DNAH14: variants seen among roughly 807,000 people sequenced by gnomAD.
DNAH14 encodes axonemal beta dynein heavy chain 14.
In DNAH14, 478 loss-of-function variants were observed where a neutral mutation model predicts 520.9. That is an observed-to-expected ratio of 0.92 (90% CI 0.85 to 0.99). The LOEUF is 0.99. Ranked by LOEUF, DNAH14 falls within the 50% of genes least tolerant of loss-of-function variation. The pLI, the probability that DNAH14 is intolerant of heterozygous loss-of-function variation, is 0.00. For synonymous variants in DNAH14, 1,581 were observed against 1,757.2 expected (o/e 0.90, Z 2.51); for missense variants, 4,831 against 5,234.5 (o/e 0.92, Z 2.38).
chr1:225,121,513 C>A (rs2077282991), intron 26 of DNAH14, among the ~76,000 whole-genome samples: 1 of 152,134 alleles, frequency 6.6e-6, no homozygotes. Flanking sequence ...ATTCATCTTT[C>A]TTGGCCTGGC....
intron 66 of DNAH14, among the ~76,000 whole-genome samples, chr1:225,336,346 T>C (rs924448004): frequency 2.0e-5 from 3 of 151,984 alleles, no homozygotes; most frequent in Non-Finnish European, 4.4e-5. Flanking sequence ...ACAAAATAGA[T>C]GTTAAGGCAT....
chr1:225,193,077 T>C (rs536359603), intron 38 of DNAH14, among the ~76,000 whole-genome samples, 166 bp downstream of exon 38: 2 of 152,220 alleles, frequency 1.3e-5, no homozygotes, highest in South Asian at 4.1e-4. Context: ...TATTAAAAAA[T>C]GGAAAATCTC....
chr1:224,967,396 AT>A (rs2061246206), intron 5 of DNAH14, 34 bp from the exon 6 acceptor site: 1 of 1,460,414 alleles, frequency 6.8e-7, no homozygotes, highest in Non-Finnish European at 9.1e-7. Flanking sequence ...AGTCAAATTA[AT>A]TAAATTTGTT....
At chr1:225,130,780 C>G (rs1047054041) in intron 27 of DNAH14, among the ~76,000 whole-genome samples, 2 of 150,192 alleles carry the variant, frequency 1.3e-5, no homozygotes, top group Admixed American at 1.3e-4. Flanking sequence ...TGTAACTAAC[C>G]TGCACATTGT....
At chr1:225,025,299 T>C (rs1346399937) in intron 11 of DNAH14, among the ~76,000 whole-genome samples, 1 of 150,282 alleles carries the variant, frequency 6.7e-6, no homozygotes, top group African/African-American at 2.4e-5. Context: ...GCCACTCCAC[T>C]CCAGCCTGGT....
chr1:225,054,687 C>T (rs1202870386), intron 17 of DNAH14, among the ~76,000 whole-genome samples: 4 of 152,048 alleles, frequency 2.6e-5, no homozygotes, highest in Non-Finnish European at 5.9e-5. Flanking sequence ...TGGTTTCTGA[C>T]TGTTAAATCA....
At position 225,289,893 on chromosome 1, in the gene DNAH14, A is replaced by T; in HGVS notation, c.8280A>T (p.Ile2760=). ...QPGSHMLLIG[I]DGCGKKTCAT... is the part of the protein sequence containing the mutation. ...TTTCTTTTCTCCCAAAGATTGGAATAGATGGATGTGGGAAAAAAACATGTG... is the reference window on the plus strand; with the variant it reads ...TTTCTTTTCTCCCAAAGATTGGAATTGATGGATGTGGGAAAAAAACATGTG... Residue 2760 remains isoleucine (I), a synonymous_variant, in exon 55 of 86, where the codon ATA becomes ATT. Coordinates refer to ENST00000682510, the MANE Select transcript of DNAH14 (RefSeq NM_001367479.1). 7.1e-7 allele frequency: 1 copy of T among 1,416,000 alleles called. No individual in the cohort carries two copies. The highest frequency in any genetic ancestry group is 1.7e-5 in the South Asian group (1 of 58,682). 87.7% of individuals were successfully genotyped at this position (1,416,000 alleles called of 1,614,324 possible).
chr1:224,968,698 C>A, intron 6 of DNAH14, 61 bp from the exon 7 acceptor site: 1 of 1,071,570 alleles, frequency 9.3e-7, no homozygotes, highest in Non-Finnish European at 1.3e-6. Context: ...TTCTTAATTT[C>A]TTGAAAATGG....
chr1:225,026,067 C>T (rs762977848), intron 11 of DNAH14, among the ~76,000 whole-genome samples: 100 of 151,924 alleles, frequency 6.6e-4, no homozygotes, highest in Admixed American at 1.4e-3. Flanking sequence ...TGGGCTCAAG[C>T]GATACTCTCA....
chr1:225,163,137 CAAAA>C (rs34356854), intron 35 of DNAH14, among the ~76,000 whole-genome samples: 8 of 53,680 alleles, frequency 1.5e-4, no homozygotes, highest in African/African-American at 3.4e-4. Flanking sequence ...GACCCTATCT[CAAAA>C]AAAAAAAAAA....
chr1:225,113,151 T>G (rs532831988), intron 23 of DNAH14, among the ~76,000 whole-genome samples: 1 of 152,272 alleles, frequency 6.6e-6, no homozygotes, highest in South Asian at 2.1e-4. Context: ...GAAACTTGGC[T>G]GTTACTATCT....
intron 52 of DNAH14, among the ~76,000 whole-genome samples, chr1:225,274,493 C>T (rs1373638598): frequency 6.6e-6 from 1 of 152,076 alleles, no homozygotes; most frequent in Non-Finnish European, 1.5e-5. Flanking sequence ...CGCGCCCGGC[C>T]GCATCTGTTA....
intron 76 of DNAH14, among the ~76,000 whole-genome samples, chr1:225,366,683 C>T (rs1329282431): frequency 1.3e-5 from 2 of 152,184 alleles, no homozygotes; most frequent in African/African-American, 4.8e-5. Context: ...TGCTCACATT[C>T]TAAGGGTGAC....
intron 1 of DNAH14, among the ~76,000 whole-genome samples, chr1:224,948,417 C>G (rs1018061207): frequency 6.6e-6 from 1 of 151,390 alleles, no homozygotes; most frequent in Non-Finnish European, 1.5e-5. Flanking sequence ...TAATAGTTGC[C>G]TGGTATATCT....
intron 11 of DNAH14, among the ~76,000 whole-genome samples, chr1:225,030,044 G>A (rs2066417272): frequency 6.6e-6 from 1 of 151,766 alleles, no homozygotes; most frequent in Non-Finnish European, 1.5e-5. Context: ...AAAATACAAA[G>A]TATGTTCTCC....
rs1206268211 is a variant in DNAH14 at position 225,206,116 on chromosome 1, T to G, written c.6123T>G (p.Phe2041Leu). ...TAACTAATAAAATAAGAGTGATTTT[T>G]GAAGTGGACAATCTCTCTCAGGCCA... ...IALTNKIRVI[F>L]EVDNLSQASP... Residue 2041 changes from phenylalanine to leucine, a missense_variant, in exon 40 of 86, where the codon TTT becomes TTG. Transcript: ENST00000682510. 6.4e-7 allele frequency: 1 copy of G among 1,551,350 alleles called. No individual in the cohort carries two copies. The highest frequency in any genetic ancestry group is 1.4e-5 in the African/African-American group (1 of 73,056).
At chr1:225,155,284 C>A (rs1032101533) in intron 34 of DNAH14, among the ~76,000 whole-genome samples, 5 of 151,992 alleles carry the variant, frequency 3.3e-5, no homozygotes, top group Admixed American at 3.3e-4. Context: ...AAGGATCTAT[C>A]AACATGATAA....
rs371359924 is a variant in DNAH14 at position 225,037,906 on chromosome 1, C to G, written c.1359-788C>G. Among the ~76,000 whole-genome samples the G allele has an allele frequency of 6.3e-4, 96 of 152,238 alleles. 3 individuals are homozygous for G. The South Asian group carries it at 0.02, about 31-fold the overall frequency. ...CATGTTGGTCAGGCTGGTCTCCCAA[C>G]TCCTGACCTCAGGTGATCTGATCTG... On this transcript the variant is annotated intron_variant, in intron 11 of 85. Transcript: ENST00000682510.
chr1:225,082,844 A>G lies in DNAH14; in HGVS notation c.3327+105A>G, dbSNP rs181354441. 1.3e-5 allele frequency: 12 copies of G among 922,880 alleles called. No individual in the cohort carries two copies. In the Admixed American group the frequency reaches 3.1e-4, roughly 24 times the overall value. The allele number at this position is 922,880 out of a possible 1,614,324, so 57.2% of individuals were successfully genotyped here. On this transcript the variant is annotated intron_variant, in intron 20 of 85. Coordinates refer to ENST00000682510, the MANE Select transcript of DNAH14 (RefSeq NM_001367479.1). ...GGATAGGAATTAGGAAAGGAAGTTT[A>G]TAAGAGTGCCTGGGAAAATAATAGT... is the stretch of plus-strand genomic sequence containing the variant.
Sources: allele counts gnomAD v4.1 joint callset (sites outside exome capture counted in the v4.1 genomes callset), GRCh38; gene constraint gnomAD v4.1.1; transcripts MANE v1.5; gene names NCBI Gene and HGNC (gene_info 2026-07-23, HGNC 2026-07-21).